Variants in COL21A1 observed in about 807,000 individuals in gnomAD.
COL21A1 encodes collagen alpha-1(XXI) chain.
In COL21A1, 149 loss-of-function variants were observed where a neutral mutation model predicts 137.9. The observed-to-expected ratio is 1.08, with a 90% confidence interval of 0.95 to 1.24. COL21A1 has a LOEUF of 1.24. COL21A1 is among the 50% of genes most tolerant of loss of function. The probability of loss-of-function intolerance (pLI) is 0.00; values close to 1 mark genes in which losing one functional copy is unlikely to be tolerated. For synonymous variants in COL21A1, 456 were observed against 391.5 expected, an observed-to-expected ratio of 1.16 and a Z score of -1.95; for missense variants, 1,167 against 1,158.4, an observed-to-expected ratio of 1.01 and a Z score of -0.11.
intron 1 of COL21A1, among the ~76,000 whole-genome samples, chr6:56,353,980 A>C (rs545639618): frequency 6.6e-6 from 1 of 152,364 alleles, no homozygotes; most frequent in African/African-American, 2.4e-5. Context: ...AAAATATAAA[A>C]CATAATTTAA....
intron 1 of COL21A1, among the ~76,000 whole-genome samples, chr6:56,334,663 C>T (rs72873654): frequency 0.053 from 8,132 of 152,162 alleles, 288 homozygotes; most frequent in South Asian, 0.082. Context: ...AGAGTCTTGA[C>T]TTGTCCTGTG....
chr6:56,265,946 C>A (rs1033188531), intron 1 of COL21A1, among the ~76,000 whole-genome samples: 1 of 152,120 alleles, frequency 6.6e-6, no homozygotes, highest in Non-Finnish European at 1.5e-5. Flanking sequence ...ACATTCGCAA[C>A]TAAAGTTTAT....
intron 16 of COL21A1, among the ~76,000 whole-genome samples, chr6:56,122,953 A>G (rs144318040): frequency 6.6e-6 from 1 of 152,220 alleles, no homozygotes; most frequent in Admixed American, 6.5e-5. Context: ...ATCCAACTCC[A>G]TTCTATTCTC....
chr6:56,199,867 T>C (rs542487814), intron 1 of COL21A1, among the ~76,000 whole-genome samples: 1 of 152,244 alleles, frequency 6.6e-6, no homozygotes, highest in Non-Finnish European at 1.5e-5. Context: ...GTGACAAAAC[T>C]AAATAAGGAA....
At chr6:56,133,134 C>G (rs1281467969) in intron 12 of COL21A1, among the ~76,000 whole-genome samples, 4 of 152,084 alleles carry the variant, frequency 2.6e-5, no homozygotes, top group Non-Finnish European at 5.9e-5. Flanking sequence ...TTGGAGGGCT[C>G]AGAAGAACAC....
chr6:56,062,237 A>G (rs1765855687), intron 24 of COL21A1, among the ~76,000 whole-genome samples: 1 of 152,122 alleles, frequency 6.6e-6, no homozygotes, highest in South Asian at 2.1e-4. Context: ...CAGAGAAGCA[A>G]TGTCATCTAA....
intron 1 of COL21A1, among the ~76,000 whole-genome samples, chr6:56,261,549 C>T (rs1018204370): frequency 6.6e-6 from 1 of 152,122 alleles, no homozygotes; most frequent in African/African-American, 2.4e-5. Flanking sequence ...ATCTGTGGAC[C>T]GGAGAGCAAG....
intron 1 of COL21A1, among the ~76,000 whole-genome samples, chr6:56,334,660 T>C (rs987974436): frequency 1.3e-5 from 2 of 152,142 alleles, no homozygotes; most frequent in Non-Finnish European, 2.9e-5. Flanking sequence ...CTCAGAGTCT[T>C]GACTTGTCCT....
chr6:56,234,166 G>A (rs1253695768), intron 1 of COL21A1, among the ~76,000 whole-genome samples: 1 of 151,744 alleles, frequency 6.6e-6, no homozygotes, highest in Non-Finnish European at 1.5e-5. Flanking sequence ...AGTTGAATGG[G>A]TAATTTGCCT....
intron 16 of COL21A1, among the ~76,000 whole-genome samples, chr6:56,123,600 G>C (rs533557868): frequency 1.3e-5 from 2 of 152,254 alleles, no homozygotes; most frequent in South Asian, 4.2e-4. Context: ...GGTGCTAATG[G>C]ACCACCCCAA....
intron 1 of COL21A1, among the ~76,000 whole-genome samples, chr6:56,323,722 G>A (rs1422645588): frequency 6.6e-6 from 1 of 152,046 alleles, no homozygotes; most frequent in Non-Finnish European, 1.5e-5. Context: ...TCTTTCTTAA[G>A]TGTTCAATCT....
At chr6:56,156,702 A>T (rs1335636049) in intron 10 of COL21A1, among the ~76,000 whole-genome samples, 185 bp downstream of exon 10, 1 of 152,190 alleles carries the variant, frequency 6.6e-6, no homozygotes, top group African/African-American at 2.4e-5. Flanking sequence ...CTTTTCCATT[A>T]ACTTGTCCTA....
In COL21A1 at chr6:56,358,978, ATTT is replaced by A. The variant is rs1375508465; in HGVS notation, c.-39+34990_-39+34992del. 3.3e-5 allele frequency among the ~76,000 whole-genome samples: 5 copies of A among 152,174 alleles called. No homozygotes were observed. The South Asian group carries it at 1.0e-3, about 32-fold the overall frequency. On this transcript the variant is annotated intron_variant, in intron 1 of 28. Coordinates refer to the COL21A1 transcript ENST00000370819. ...ACAGATGTTTGGTTAAAGCTTGGCA[ATTT>A]TTCTATTTTATCAATGTCACATTTT... is the stretch of plus-strand genomic sequence containing the variant.
chr6:56,285,841 AT>A (rs748347767), intron 1 of COL21A1, among the ~76,000 whole-genome samples: 1 of 149,454 alleles, frequency 6.7e-6, no homozygotes, highest in African/African-American at 2.5e-5. Context: ...AGTCTTTGCA[AT>A]AAATTTTGCT....
intron 1 of COL21A1, among the ~76,000 whole-genome samples, chr6:56,385,353 T>C (rs2094015999): frequency 6.6e-6 from 1 of 152,200 alleles, no homozygotes; most frequent in Admixed American, 6.5e-5. Flanking sequence ...ATCAAAGTGT[T>C]GGCAGAGCTG....
intron 20 of COL21A1, among the ~76,000 whole-genome samples, chr6:56,071,600 A>G (rs571956331): frequency 1.4e-4 from 21 of 151,682 alleles, no homozygotes; most frequent in Admixed American, 3.9e-4. Flanking sequence ...TCAGCTTTTA[A>G]AAAAGTTTTG....
intron 1 of COL21A1, among the ~76,000 whole-genome samples, chr6:56,291,516 T>G (rs1764043166): frequency 6.6e-6 from 1 of 152,218 alleles, no homozygotes; most frequent in Non-Finnish European, 1.5e-5. Context: ...CTGCAAAAGC[T>G]GAGCACAAAG....
At chr6:56,177,703 A>C (rs757661313) in intron 3 of COL21A1, among the ~76,000 whole-genome samples, 11 of 148,842 alleles carry the variant, frequency 7.4e-5, no homozygotes, top group Non-Finnish European at 1.0e-4. Flanking sequence ...GAGGCAGGAG[A>C]ATGGCATGAA....
chr6:56,394,080 C>T (rs1488423155), exon 1 of COL21A1: 4 of 152,266 alleles, frequency 2.6e-5, no homozygotes, highest in African/African-American at 7.2e-5. Flanking sequence ...GTATGAACTC[C>T]CTTGGCCAGA....
Sources: gnomAD v4.1 joint callset for allele counts (sites outside exome capture counted in the v4.1 genomes callset) on GRCh38, gnomAD v4.1.1 for gene constraint, MANE v1.5 for transcripts, NCBI Gene and HGNC (gene_info 2026-07-23, HGNC 2026-07-21) for gene names.